The following AP1S2 variants were observed in gnomAD, a reference collection of about 807,000 sequenced individuals.
AP1S2 encodes AP-1 complex subunit sigma-2.
In AP1S2, 1 loss-of-function variant was observed where a neutral mutation model predicts 14.3. The observed-to-expected ratio is 0.07, with a 90% CI of 0.02 to 0.33. AP1S2 has a LOEUF of 0.33. Ranked by LOEUF, AP1S2 falls within the 10% of genes least tolerant of loss-of-function variation. AP1S2 has a pLI of 0.99. For missense variants in AP1S2, 30 were observed against 117.7 expected (o/e 0.25, Z 3.45); for synonymous variants, 30 against 40.5 (o/e 0.74, Z 0.99).
intron 2 of AP1S2, among the ~76,000 whole-genome samples, chrX:15,849,584 A>G (rs940740570): frequency 6.2e-5 from 7 of 112,166 alleles, no homozygotes; most frequent in Admixed American, 4.7e-4. Flanking sequence ...AAGGTGCTTG[A>G]TATAAGTATC....
intron 5 of AP1S2, among the ~76,000 whole-genome samples, chrX:15,827,713 T>C (rs1398591081): frequency 8.9e-6 from 1 of 112,005 alleles, no homozygotes; most frequent in Non-Finnish European, 1.9e-5. Flanking sequence ...TAAGTTATCT[T>C]AGTGGTAAAA....
chrX:15,848,507 T>C (rs1171484207), intron 2 of AP1S2, among the ~76,000 whole-genome samples: 1 of 111,895 alleles, frequency 8.9e-6, no homozygotes, highest in Non-Finnish European at 1.9e-5. Context: ...CTCGAAACAA[T>C]ATTTTAAGAG....
At chrX:15,840,489 G>T in intron 4 of AP1S2, 1 of 929,960 alleles carries the variant, frequency 1.1e-6, no homozygotes, top group Non-Finnish European at 1.4e-6. Context: ...GGTAAATTTA[G>T]TAGTTACCAA....
intron 4 of AP1S2, among the ~76,000 whole-genome samples, chrX:15,838,041 T>C (rs1933706542): frequency 8.9e-6 from 1 of 112,199 alleles, no homozygotes; most frequent in Non-Finnish European, 1.9e-5. Context: ...TAGCAGTCTA[T>C]AAATGTAAAT....
intron 4 of AP1S2, among the ~76,000 whole-genome samples, chrX:15,844,795 TG>T (rs766440462): frequency 8.9e-6 from 1 of 112,138 alleles, no homozygotes; most frequent in East Asian, 2.8e-4. Context: ...TGACAGAACA[TG>T]GTTTGTTATT....
intron 1 of AP1S2, among the ~76,000 whole-genome samples, chrX:15,854,438 C>G (rs922820870): frequency 3.5e-5 from 4 of 112,758 alleles, no homozygotes; most frequent in African/African-American, 1.3e-4. Context: ...TGAGGCGATT[C>G]CCGAACCACA....
At chrX:15,844,208 C>T (rs1933927374) in intron 4 of AP1S2, among the ~76,000 whole-genome samples, 1 of 112,460 alleles carries the variant, frequency 8.9e-6, no homozygotes, top group South Asian at 3.7e-4. Context: ...TTCCCTTCCT[C>T]ACAGAGTCCA....
At chrX:15,832,290 G>C (rs1453603722) in intron 4 of AP1S2, 2 of 729,261 alleles carry the variant, frequency 2.7e-6, no homozygotes, top group Non-Finnish European at 3.2e-6. Context: ...CCACCAGAAA[G>C]CAAGTTTAAA....
At chrX:15,832,948 A>C in intron 4 of AP1S2, 1 of 1,117,330 alleles carries the variant, frequency 8.9e-7, no homozygotes, top group Non-Finnish European at 1.2e-6. Flanking sequence ...TCCAGCACGT[A>C]TTCTAGTACG....
At chrX:15,835,237 A>T (rs1004205287) in intron 4 of AP1S2, among the ~76,000 whole-genome samples, 1 of 112,426 alleles carries the variant, frequency 8.9e-6, no homozygotes, top group Non-Finnish European at 1.9e-5. Context: ...AATAAGTGTA[A>T]TTTCAAGTTA....
intron 4 of AP1S2, among the ~76,000 whole-genome samples, chrX:15,839,364 C>CA (rs750785485): frequency 2.7e-5 from 3 of 112,004 alleles, no homozygotes; most frequent in East Asian, 5.6e-4. Context: ...TGTTAAATGA[C>CA]ATTCTTGTAC....
intron 1 of AP1S2, among the ~76,000 whole-genome samples, chrX:15,854,090 G>A (rs746219819): frequency 8.9e-6 from 1 of 112,573 alleles, no homozygotes; most frequent in Non-Finnish European, 1.9e-5. Context: ...TCCTAACATG[G>A]GACGAAACCC....
intron 3 of AP1S2, 100 bp from the exon 4 acceptor site, chrX:15,845,616 C>T (rs1333349453): frequency 1.9e-6 from 2 of 1,048,700 alleles, no homozygotes; most frequent in Non-Finnish European, 2.6e-6. Context: ...TAAAATCGAA[C>T]TAGAGTGAAT....
chrX:15,841,865 TGGGGTTA>T (rs200535163), intron 4 of AP1S2, among the ~76,000 whole-genome samples: 2,184 of 111,886 alleles, frequency 0.02, 51 homozygotes, highest in African/African-American at 0.065. Context: ...AATACATAAC[TGGGGTTA>T]GGGGAAGTGC....
intron 4 of AP1S2, among the ~76,000 whole-genome samples, chrX:15,841,627 G>C (rs764295767): frequency 9.0e-6 from 1 of 111,657 alleles, no homozygotes; most frequent in African/African-American, 3.2e-5. Flanking sequence ...CAAGAAATAG[G>C]TTGAAAAATA....
intron 4 of AP1S2, among the ~76,000 whole-genome samples, chrX:15,833,973 AT>A (rs1933515142): frequency 9.0e-6 from 1 of 111,544 alleles, no homozygotes; most frequent in Non-Finnish European, 1.9e-5. Flanking sequence ...AGTGATTTCA[AT>A]TAAGTGGGAA....
In AP1S2 at chrX:15,828,104, C is replaced by T. The variant is rs751023908; in HGVS notation, c.435+88G>A. 2.9e-5 allele frequency: 21 copies of T among 724,762 alleles called. No homozygotes were observed. The South Asian group carries it at 6.5e-4, about 22-fold the overall frequency. 59.7% of individuals were successfully genotyped at this position (724,762 alleles called of 1,213,427 possible). On this transcript the variant is annotated intron_variant, in intron 5 of 5. Transcript: ENST00000672987. ...CAAGGAGGCCAACTTTCAGGTATTA[C>T]TAGCAACGAATTTTGTAATTAAAAG... is the stretch of plus-strand genomic sequence containing the variant.
At chrX:15,827,423 G>A in intron 5 of AP1S2, 51 bp from the exon 6 acceptor site, 2 of 1,044,457 alleles carry the variant, frequency 1.9e-6, no homozygotes, top group Non-Finnish European at 2.7e-6. Flanking sequence ...GGAGTCTTGA[G>A]AATGTGAAAC....
intron 4 of AP1S2, among the ~76,000 whole-genome samples, chrX:15,838,246 A>C (rs1376864774): frequency 9.0e-6 from 1 of 111,272 alleles, no homozygotes; most frequent in Non-Finnish European, 1.9e-5. Flanking sequence ...AAATGTGTCC[A>C]AACATTACCC....
Sources: gnomAD v4.1 joint callset for allele counts (sites outside exome capture counted in the v4.1 genomes callset) on GRCh38, gnomAD v4.1.1 for gene constraint, MANE v1.5 for transcripts, NCBI Gene and HGNC (gene_info 2026-07-23, HGNC 2026-07-21) for gene names.